Variants in SLC45A1 observed in about 807,000 individuals in gnomAD.
The protein encoded by SLC45A1 is solute carrier family 45 member 1.
SLC45A1 carries 28 observed loss-of-function variants against 57.6 expected under a neutral mutation model. That is an observed-to-expected ratio of 0.49 (90% CI 0.36 to 0.67). The LOEUF (loss-of-function observed/expected upper bound fraction) is 0.67, where lower values mean the gene tolerates loss of function less well. Among genes scored for constraint, SLC45A1 ranks in the 30% least tolerant of loss-of-function variants. The pLI is 0.00. For missense variants in SLC45A1, 814 were observed against 1,041.5 expected (o/e 0.78, Z 3.01); for synonymous variants, 459 against 471.5 (o/e 0.97, Z 0.34).
Position 8,335,337 on chromosome 1 carries a change from G to T in SLC45A1, c.1444-100G>T, listed in dbSNP as rs1033937972. 2.5e-6 allele frequency: 3 copies of T among 1,184,172 alleles called. No individual in the cohort carries two copies. The highest frequency in any genetic ancestry group is 3.4e-5 in the South Asian group (2 of 59,482). 73.4% of individuals were successfully genotyped at this position (1,184,172 alleles called of 1,614,324 possible). ...AAGAAGACAGACCCTTGCAGCCTCCGTGCGGTGTTTCCGAGAGCGCATTCC... is the reference window on the plus strand; with the variant it reads ...AAGAAGACAGACCCTTGCAGCCTCCTTGCGGTGTTTCCGAGAGCGCATTCC... On this transcript the variant is annotated intron_variant, in intron 5 of 8. Coordinates refer to ENST00000471889, the MANE Select transcript of SLC45A1 (RefSeq NM_001080397.3). This position sits in a 1 kb window ranked among gnomAD's most constrained non-coding sequence, Gnocchi z 4.1.
intron 1 of SLC45A1, among the ~76,000 whole-genome samples, chr1:8,323,490 CAAAAA>C (rs34956825): frequency 7.8e-6 from 1 of 127,544 alleles, no homozygotes; most frequent in Non-Finnish European, 1.6e-5. Context: ...GACTCTGTCT[CAAAAA>C]AAAAAAAAAA....
rs1033395554 is a variant in SLC45A1, at chr1:8,326,698, G to T, written c.715+656G>T. ...GACCACACAAAAAACTCTTGTTTCG[G>T]CCAGGCACAGTGGCTCATGCCTGTA... On this transcript the variant is annotated intron_variant, in intron 4 of 8. Transcript: ENST00000471889. The surrounding 1 kb of genome is among the most constrained non-coding windows in gnomAD (Gnocchi z 5.5). Among the ~76,000 whole-genome samples the T allele has an allele frequency of 3.9e-5, 6 of 152,192 alleles. No individual in the cohort carries two copies. The highest frequency in any genetic ancestry group is 8.8e-5 in the Non-Finnish European group (6 of 68,038).
chr1:8,341,140 C>T (rs893493238), intron 8 of SLC45A1, among the ~76,000 whole-genome samples: 4 of 145,970 alleles, frequency 2.7e-5, no homozygotes, highest in African/African-American at 7.7e-5. Context: ...TGCAGTGAGC[C>T]GAGATGGCGA....
chr1:8,344,141 A>C lies in SLC45A1; in HGVS notation c.*128A>C, dbSNP rs1640927630. The stretch of plus-strand genomic sequence containing the variant: ...CTACTGGAATGTAAATATGTGATAA[A>C]ATAATAAATGACAGCGGCAAAGCCT... On this transcript the variant is annotated 3_prime_UTR_variant, in exon 9 of 9. Transcript: ENST00000471889. The C allele has an allele frequency of 2.2e-6, 2 of 891,886 alleles. No individual in the cohort carries two copies. The highest frequency in any genetic ancestry group is 3.3e-6 in the Non-Finnish European group (2 of 613,180). The allele number at this position is 891,886 out of a possible 1,614,324, so 55.2% of individuals were successfully genotyped here.
intron 2 of SLC45A1, among the ~76,000 whole-genome samples, 154 bp downstream of exon 2, chr1:8,324,880 C>A (rs1640149433): frequency 6.6e-6 from 1 of 152,164 alleles, no homozygotes; most frequent in Non-Finnish European, 1.5e-5. Context: ...TACCACCGGT[C>A]ATATCCCAGA....
In SLC45A1 at chr1:8,335,378, G is replaced by A. The variant is rs760323518; in HGVS notation, c.1444-59G>A. On this transcript the variant is annotated intron_variant, in intron 5 of 8. Coordinates refer to ENST00000471889, the MANE Select transcript of SLC45A1 (RefSeq NM_001080397.3). The surrounding 1 kb of genome is among the most constrained non-coding windows in gnomAD (Gnocchi z 4.1). The stretch of plus-strand genomic sequence containing the variant: ...AGCGCATTCCCCTGAGCAGAGCAGG[G>A]TCTGCGCTGTGTGATGGGGGTGCGG... The A allele has an allele frequency of 1.7e-4, 257 of 1,503,612 alleles. No individual in the cohort carries two copies. The highest frequency in any genetic ancestry group is 2.1e-4 in the Non-Finnish European group (240 of 1,119,604). The allele number at this position is 1,503,612 out of a possible 1,614,324, so 93.1% of individuals were successfully genotyped here. A position where few individuals can be genotyped will look rare whatever the true frequency, so the allele number is the denominator to read the frequency against.
chr1:8,335,616 T>A lies in SLC45A1; in HGVS notation c.1597+26T>A. On this transcript the variant is annotated intron_variant, in intron 6 of 8. Transcript: ENST00000471889. The surrounding 1 kb of genome is among the most constrained non-coding windows in gnomAD (Gnocchi z 4.1). The stretch of plus-strand genomic sequence containing the variant: ...GTGAGCTCCCGGCCAAGCCTCCCCG[T>A]GAGTCCTGGTCCTGCTCAGGGCTCT... The A allele has an allele frequency of 6.3e-7, 1 of 1,581,748 alleles. No individual in the cohort carries two copies. Among genetic ancestry groups the A allele is most frequent in the East Asian group, 2.3e-5 (1 of 44,172 alleles).
chr1:8,324,321 C>T lies in SLC45A1; in HGVS notation c.-9C>T. The T allele has an allele frequency of 2.5e-6, 4 of 1,609,754 alleles. No homozygotes were observed. The highest frequency in any genetic ancestry group is 3.4e-6 in the Non-Finnish European group (4 of 1,177,830). On this transcript the variant is annotated 5_prime_UTR_variant, in exon 2 of 9. Transcript: ENST00000471889. ...TTCCTCACAGGGACGCCCACCAGCC[C>T]TCCCCACGATGATCCCCGCAGCCAG...
chr1:8,318,328 T>A, intron 1 of SLC45A1, 142 bp downstream of exon 1: 1 of 393,216 alleles, frequency 2.5e-6, no homozygotes. Context: ...CGTGGAAGTC[T>A]CATGAATTGC....
chr1:8,337,328 G>T (rs879274403), intron 6 of SLC45A1, among the ~76,000 whole-genome samples: 1 of 152,216 alleles, frequency 6.6e-6, no homozygotes, highest in African/African-American at 2.4e-5. Flanking sequence ...TCCCGCCCAC[G>T]ACACACAGGG....
chr1:8,341,675 C>A (rs1640822809), intron 8 of SLC45A1, among the ~76,000 whole-genome samples: 1 of 151,922 alleles, frequency 6.6e-6, no homozygotes, highest in Admixed American at 6.6e-5. Context: ...GTAATCCCAG[C>A]ACTTTGGGAG....
intron 7 of SLC45A1, among the ~76,000 whole-genome samples, chr1:8,338,397 G>C (rs1451839457): frequency 4.6e-5 from 7 of 152,238 alleles, no homozygotes; most frequent in Non-Finnish European, 8.8e-5. Context: ...GTGTGTGGTC[G>C]TGGAGCGTAG....
Position 8,333,725 on chromosome 1 carries a change from G to A in SLC45A1, c.1444-1712G>A, listed in dbSNP as rs143049866. 2.6e-3 allele frequency among the ~76,000 whole-genome samples: 398 copies of A among 152,320 alleles called. 5 individuals carry two copies. The highest frequency in any genetic ancestry group is 9.2e-3 in the African/African-American group (384 of 41,570). On this transcript the variant is annotated intron_variant, in intron 5 of 8. Transcript: ENST00000471889. Reference sequence around the variant, plus strand: ...GCTGGGATTCCAGGCGTGAGCCACCGCGCCCAGCCCTGTTTCCTCCTTGGA... The same window carrying A: ...GCTGGGATTCCAGGCGTGAGCCACCACGCCCAGCCCTGTTTCCTCCTTGGA...
chr1:8,335,677 C>G lies in SLC45A1; in HGVS notation c.1597+87C>G. On this transcript the variant is annotated intron_variant, in intron 6 of 8. Transcript: ENST00000471889. This position sits in a 1 kb window ranked among gnomAD's most constrained non-coding sequence, Gnocchi z 4.1. ...GCCTCCCAGGATGCCCCTGAGCCTC[C>G]CTTCCCAGAACCTTTCTGAGTTCAC... 1.4e-6 allele frequency: 2 copies of G among 1,414,824 alleles called. No individual in the cohort carries two copies. Among genetic ancestry groups the G allele is most frequent in the Non-Finnish European group, 1.9e-6 (2 of 1,062,032 alleles). The allele number at this position is 1,414,824 out of a possible 1,614,324, so 87.6% of individuals were successfully genotyped here.
At chr1:8,332,511 A>AT (rs746223378) in intron 5 of SLC45A1, among the ~76,000 whole-genome samples, 1,926 of 138,010 alleles carry the variant, frequency 0.014, 38 homozygotes, top group African/African-American at 0.039. Flanking sequence ...TCACGGGCTG[A>AT]TTTTTTTTTT....
intron 8 of SLC45A1, among the ~76,000 whole-genome samples, chr1:8,341,204 A>AAAAAGATAGTAATACTTTG (rs1640800438): frequency 6.7e-6 from 1 of 149,986 alleles, no homozygotes; most frequent in South Asian, 2.1e-4. Context: ...CGTTTCAAAA[A>AAAAAGATAGTAATACTTTG]AAAAAAAAAA....
rs777706236 is a variant in SLC45A1, at chr1:8,325,434, A to C, written c.490+44A>C. ...GAAATAAAATGGAGAGGAAAAAAAA[A>C]AGGCCCCAACTGCTTCCTTTTAGGA... is the stretch of plus-strand genomic sequence containing the variant. On this transcript the variant is annotated intron_variant, in intron 3 of 8. Transcript: ENST00000471889. This position sits in a 1 kb window ranked among gnomAD's most constrained non-coding sequence, Gnocchi z 6.3. 12 of 1,405,510 alleles carry C rather than the reference A, an allele frequency of 8.5e-6. No individual in the cohort carries two copies. Among genetic ancestry groups the C allele is most frequent in the Admixed American group, 1.9e-5 (1 of 52,824 alleles). 87.1% of individuals were successfully genotyped at this position (1,405,510 alleles called of 1,614,324 possible).
chr1:8,333,419 G>C (rs776497192), intron 5 of SLC45A1, among the ~76,000 whole-genome samples: 2 of 151,890 alleles, frequency 1.3e-5, no homozygotes, highest in Admixed American at 6.6e-5. Context: ...TTAGAGGTGT[G>C]AGCCACCATG....
At chr1:8,323,936 G>A (rs1426580759) in intron 1 of SLC45A1, among the ~76,000 whole-genome samples, 1 of 152,190 alleles carries the variant, frequency 6.6e-6, no homozygotes, top group Non-Finnish European at 1.5e-5. Flanking sequence ...GGCAAAATTA[G>A]CCCTGGAAAT....
Sources: allele counts gnomAD v4.1 joint callset (sites outside exome capture counted in the v4.1 genomes callset), GRCh38; gene constraint gnomAD v4.1.1; non-coding constraint Gnocchi (gnomAD v3.1); transcripts MANE v1.5; gene names NCBI Gene and HGNC (gene_info 2026-07-23, HGNC 2026-07-21).